The following DEFB119 variants were observed in gnomAD, a reference collection of about 807,000 sequenced individuals.
The protein encoded by DEFB119 is beta-defensin 119.
A neutral mutation model predicts 2.5 loss-of-function variants in DEFB119; 3 were observed. That is an observed-to-expected ratio of 1.19 (90% CI 0.54 to 3.07). The LOEUF is 3.07. Among genes scored for constraint, DEFB119 ranks in the 30% most tolerant of loss-of-function variants. DEFB119 has a pLI of 0.03. For missense variants in DEFB119, 113 were observed against 101.1 expected (o/e 1.12, Z -0.50); for synonymous variants, 29 against 33.7 (o/e 0.86, Z 0.48).
In DEFB119 at chr20:31,377,241, A is replaced by G. The variant is rs763186753; in HGVS notation, c.*5T>C. On this transcript the variant is annotated 3_prime_UTR_variant, in exon 2 of 2. Coordinates refer to ENST00000376321, the MANE Select transcript of DEFB119 (RefSeq NM_153289.4). The stretch of plus-strand genomic sequence containing the variant: ...AGAGAGCTTGAGAATGGTAATCACC[A>G]GCACTCAAGGTAGTCTTGGCCACTG... 1 of 1,605,842 alleles carries G rather than the reference A, an allele frequency of 6.2e-7. No individual in the cohort carries two copies. Among genetic ancestry groups the G allele is most frequent in the South Asian group, 1.1e-5 (1 of 89,700 alleles).
intron 1 of DEFB119, chr20:31,389,347 A>T: frequency 7.6e-7 from 1 of 1,324,252 alleles, no homozygotes; most frequent in Non-Finnish European, 1.1e-6. Flanking sequence ...CAGCTGAGTG[A>T]GTAATGCCAG....
Position 31,390,563 on chromosome 20 carries a change from C to A in DEFB119, c.-80G>T, listed in dbSNP as rs761076086. On this transcript the variant is annotated 5_prime_UTR_variant, in exon 1 of 2. Transcript: ENST00000376321. ...TTCCCTGCAGCACGGCAGAGATGAG[C>A]TTTGCTTTTATCAGCAGGGCTGTGG... 393 of 1,413,044 alleles carry A rather than the reference C, an allele frequency of 2.8e-4. 1 individual carries two copies. The highest frequency in any genetic ancestry group is 3.6e-4 in the Non-Finnish European group (361 of 1,011,976). 87.5% of individuals were successfully genotyped at this position (1,413,044 alleles called of 1,614,324 possible).
chr20:31,390,649 A>C, upstream of DEFB119: 1 of 609,364 alleles, frequency 1.6e-6, no homozygotes, highest in South Asian at 2.2e-5. Flanking sequence ...GACAGTGTGT[A>C]GCAGATGTCT....
intron 1 of DEFB119, among the ~76,000 whole-genome samples, chr20:31,381,960 A>C (rs1986521823): frequency 6.6e-6 from 1 of 152,246 alleles, no homozygotes; most frequent in Non-Finnish European, 1.5e-5. Flanking sequence ...GCATAGTGAC[A>C]GTGGGTGGGG....
rs980269320 is a variant in DEFB119, at chr20:31,390,581, G to A, written c.-98C>T. On this transcript the variant is annotated 5_prime_UTR_variant, in exon 1 of 2. Transcript: ENST00000376321. Reference sequence around the variant, plus strand: ...AGATGAGCTTTGCTTTTATCAGCAGGGCTGTGGGCAGTGAATTAGAACAGG... The same window carrying A: ...AGATGAGCTTTGCTTTTATCAGCAGAGCTGTGGGCAGTGAATTAGAACAGG... The A allele has an allele frequency of 2.5e-6, 3 of 1,189,574 alleles. No individual in the cohort carries two copies. The highest frequency in any genetic ancestry group is 1.5e-5 in the African/African-American group (1 of 64,922). The allele number at this position is 1,189,574 out of a possible 1,614,324, so 73.7% of individuals were successfully genotyped here.
chr20:31,380,380 C>G (rs1311061675), intron 1 of DEFB119, among the ~76,000 whole-genome samples: 24 of 152,258 alleles, frequency 1.6e-4, no homozygotes, highest in Non-Finnish European at 1.5e-5. Flanking sequence ...ATCTTCCCAC[C>G]TTAGCCTCTC....
chr20:31,378,362 C>T (rs376743138), intron 1 of DEFB119: 1 of 1,614,178 alleles, frequency 6.2e-7, no homozygotes, highest in East Asian at 2.2e-5. Flanking sequence ...CTGGCAGTAT[C>T]CAGGCAGCAT....
intron 1 of DEFB119, among the ~76,000 whole-genome samples, chr20:31,382,393 C>A (rs1986534373): frequency 1.3e-5 from 2 of 152,118 alleles, no homozygotes; most frequent in African/African-American, 4.8e-5. Flanking sequence ...CCTGTTCTAC[C>A]CTTTTTCTCA....
intron 1 of DEFB119, among the ~76,000 whole-genome samples, chr20:31,379,611 A>G (rs1313451713): frequency 6.6e-6 from 1 of 150,852 alleles, no homozygotes; most frequent in African/African-American, 2.4e-5. Flanking sequence ...CTCCTGTCTC[A>G]GTCTCCTGAG....
At chr20:31,384,922 T>C (rs1362451072) in intron 1 of DEFB119, among the ~76,000 whole-genome samples, 2 of 152,122 alleles carry the variant, frequency 1.3e-5, no homozygotes, top group African/African-American at 2.4e-5. Flanking sequence ...TTTTGTAAAA[T>C]ATAGACACCA....
At chr20:31,380,711 T>C (rs1046467328) in intron 1 of DEFB119, among the ~76,000 whole-genome samples, 8 of 152,156 alleles carry the variant, frequency 5.3e-5, no homozygotes, top group African/African-American at 1.9e-4. Flanking sequence ...CTTTTGCACC[T>C]CTGTCAAAAA....
intron 1 of DEFB119, among the ~76,000 whole-genome samples, chr20:31,389,766 T>C (rs1183623189): frequency 6.6e-6 from 1 of 151,982 alleles, no homozygotes; most frequent in Non-Finnish European, 1.5e-5. Context: ...TAATTAGAAC[T>C]CCCAGCCTTA....
chr20:31,383,555 G>T (rs1989598), intron 1 of DEFB119, among the ~76,000 whole-genome samples: 4,688 of 134,366 alleles, frequency 0.035, 290 homozygotes, highest in African/African-American at 0.12. Context: ...AAAAAAAAAG[G>T]CCAGGTGTGG....
chr20:31,389,175 G>A (rs925275925), intron 1 of DEFB119: 1 of 1,614,060 alleles, frequency 6.2e-7, no homozygotes, highest in African/African-American at 1.3e-5. Context: ...AGCGTATGAT[G>A]CTGTCTTCAC....
At chr20:31,387,490 T>A (rs1270862371) in intron 1 of DEFB119, among the ~76,000 whole-genome samples, 1 of 152,200 alleles carries the variant, frequency 6.6e-6, no homozygotes, top group African/African-American at 2.4e-5. Flanking sequence ...TAGCCCTTCA[T>A]AATGACCTGA....
chr20:31,390,290 G>A (rs754706370), intron 1 of DEFB119, 133 bp downstream of exon 1: 4 of 838,338 alleles, frequency 4.8e-6, no homozygotes, highest in Admixed American at 2.2e-5. Context: ...ATTAACTTGA[G>A]ATGATCCTGG....
At chr20:31,390,093 C>T (rs1444625412) in intron 1 of DEFB119, among the ~76,000 whole-genome samples, 1 of 152,018 alleles carries the variant, frequency 6.6e-6, no homozygotes. Flanking sequence ...TTTTCCTCCA[C>T]ATCACAACTC....
chr20:31,377,993 T>G (rs895814405), intron 1 of DEFB119, among the ~76,000 whole-genome samples: 2 of 152,206 alleles, frequency 1.3e-5, no homozygotes, highest in Non-Finnish European at 1.5e-5. Flanking sequence ...CCTCGACTTC[T>G]GCCCTCTCCA....
intron 1 of DEFB119, among the ~76,000 whole-genome samples, chr20:31,385,968 T>C (rs1986687074): frequency 6.6e-6 from 1 of 151,850 alleles, no homozygotes; most frequent in African/African-American, 2.4e-5. Context: ...AAGGCGTTCA[T>C]CACAGAGGTG....
Sources: gnomAD v4.1 joint callset for allele counts (sites outside exome capture counted in the v4.1 genomes callset) on GRCh38, gnomAD v4.1.1 for gene constraint, MANE v1.5 for transcripts, NCBI Gene and HGNC (gene_info 2026-07-23, HGNC 2026-07-21) for gene names.